GPR108: variants seen among roughly 807,000 people sequenced by gnomAD.
GPR108 encodes the protein protein GPR108.
GPR108 carries 60 observed loss-of-function variants against 74.3 expected under a neutral mutation model. The observed-to-expected ratio is 0.81, with a 90% CI of 0.66 to 1.00. The LOEUF (loss-of-function observed/expected upper bound fraction) is 1.00, where lower values mean the gene tolerates loss of function less well. Ranked by LOEUF, GPR108 falls within the 50% of genes least tolerant of loss-of-function variation. The pLI, the probability that GPR108 is intolerant of heterozygous loss-of-function variation, is 0.00. For missense variants in GPR108, 667 were observed against 703.3 expected, an observed-to-expected ratio of 0.95 and a Z score of 0.58; for synonymous variants, 311 against 292.4, an observed-to-expected ratio of 1.06 and a Z score of -0.65.
chr19:6,735,054 T>C (rs995704445), intron 4 of GPR108, among the ~76,000 whole-genome samples: 18 of 151,080 alleles, frequency 1.2e-4, no homozygotes, highest in African/African-American at 4.1e-4. Flanking sequence ...CTAATTCCTG[T>C]ACATTTTTTG....
Position 6,730,193 on chromosome 19 carries a change from G to A in GPR108, c.*119C>T, listed in dbSNP as rs1421126048. The A allele has an allele frequency of 1.1e-6, 1 of 941,700 alleles. No homozygotes were observed. Among genetic ancestry groups the A allele is most frequent in the Non-Finnish European group, 1.7e-6 (1 of 588,466 alleles). 58.3% of individuals were successfully genotyped at this position (941,700 alleles called of 1,614,324 possible). A position where few individuals can be genotyped will look rare whatever the true frequency, so the allele number is the denominator to read the frequency against. ...GGCTTGTCCGGGAACCGGGGTCCCG[G>A]GGAGCTGGGCGCCTGGTCCACATGG... On this transcript the variant is annotated 3_prime_UTR_variant, in exon 18 of 18. Coordinates refer to ENST00000264080, the MANE Select transcript of GPR108 (RefSeq NM_001080452.2).
At chr19:6,736,342 C>A (rs1048995775) in intron 2 of GPR108, among the ~76,000 whole-genome samples, 1 of 152,192 alleles carries the variant, frequency 6.6e-6, no homozygotes, top group Non-Finnish European at 1.5e-5. Flanking sequence ...GGCAATCCTC[C>A]CACCTTGGCC....
In GPR108 at chr19:6,735,639, G is replaced by C; in HGVS notation, c.357C>G (p.Ile119Met). The change falls in exon 4 of 18, where the codon ATC becomes ATG. Residue 119 changes from isoleucine (I) to methionine (M), a missense_variant. By Grantham distance (10) the Ile-to-Met change is conservative. Coordinates refer to ENST00000264080, the MANE Select transcript of GPR108 (RefSeq NM_001080452.2). ...CAACTCACTGCAGATCCTTGGTGTT[G>C]ATGAGGAACAGGACCAGGAAACTGC... is the stretch of plus-strand genomic sequence containing the variant. ...NSSSFLVLFL[I>M]NTKDLQVQVR... is the part of the protein sequence containing the mutation. 1 of 1,614,062 alleles carries C rather than the reference G, an allele frequency of 6.2e-7. No individual in the cohort carries two copies. The highest frequency in any genetic ancestry group is 8.5e-7 in the Non-Finnish European group (1 of 1,179,990).
rs759147103 is a variant in GPR108 at position 6,734,262 on chromosome 19, A to G, written c.420T>C (p.Phe140=). The change falls in exon 5 of 18, where the codon TTT becomes TTC. Residue 140 remains phenylalanine (F), a synonymous_variant. Coordinates refer to ENST00000264080, the MANE Select transcript of GPR108 (RefSeq NM_001080452.2). ...KYGEQKTLFI[F]PGLLPEAPSK... is the part of the protein sequence containing the mutation. ...AGGGTGCTTCCGGGAGGAGCCCGGG[A>G]AAGATAAACAACGTCTTCTGCTCTC... 2 of 1,614,070 alleles carry G rather than the reference A, an allele frequency of 1.2e-6. No homozygotes were observed. The highest frequency in any genetic ancestry group is 1.7e-6 in the Non-Finnish European group (2 of 1,180,020).
chr19:6,731,956 GGGTAC>G, intron 13 of GPR108, 22 bp from the exon 14 acceptor site: 1 of 1,613,284 alleles, frequency 6.2e-7, no homozygotes, highest in Non-Finnish European at 8.5e-7. Context: ...GGAGGACACA[GGGTAC>G]GGTCAGCGCG....
At chr19:6,735,732 C>G in intron 3 of GPR108, 28 bp from the exon 4 acceptor site, 1 of 1,600,390 alleles carries the variant, frequency 6.2e-7, no homozygotes. Flanking sequence ...GGGAGTGAGT[C>G]TTGGTTACTC....
rs1968642770 is a variant in GPR108, at chr19:6,736,585, C to G, written c.240+7G>C. ...TCTCCTCCAGCAAACTCCTCAAGGT[C>G]CCTCACCAGCAGGGACTTCTCTTCT... On this transcript the variant is annotated splice_region_variant and intron_variant, in intron 2 of 17. Transcript: ENST00000264080. 1 of 1,612,718 alleles carries G rather than the reference C, an allele frequency of 6.2e-7. No individual in the cohort carries two copies. Among genetic ancestry groups the G allele is most frequent in the Non-Finnish European group, 8.5e-7 (1 of 1,179,420 alleles).
At chr19:6,732,176 G>T in intron 12 of GPR108, 21 bp from the exon 13 acceptor site, 1 of 1,613,064 alleles carries the variant, frequency 6.2e-7, no homozygotes, top group Non-Finnish European at 8.5e-7. Flanking sequence ...GGCGGGGGTG[G>T]GTGGGCACTG....
At chr19:6,734,135 GGGCAGACCTGCCCA>G in intron 5 of GPR108, 34 bp downstream of exon 5, 1 of 1,614,198 alleles carries the variant, frequency 6.2e-7, no homozygotes, top group Non-Finnish European at 8.5e-7. Flanking sequence ...GGAGTGCAAA[GGGCAGACCTGCCCA>G]TCCACCCCCG....
At position 6,737,264 on chromosome 19, in the gene GPR108, G is replaced by A. The variant is rs373346651; in HGVS notation, c.120+193C>T. 33 of 681,160 alleles carry A rather than the reference G, an allele frequency of 4.8e-5. 1 individual carries two copies. The highest frequency in any genetic ancestry group is 2.0e-4 in the East Asian group (6 of 29,942). The allele number at this position is 681,160 out of a possible 1,614,324, so 42.2% of individuals were successfully genotyped here. A position where few individuals can be genotyped will look rare whatever the true frequency, so the allele number is the denominator to read the frequency against. ...GGGAGGGGGCCGACCCCAGCGAGGC[G>A]GACCCGGCAACTCCATCCGGAGGAC... On this transcript the variant is annotated intron_variant, in intron 1 of 17. Coordinates refer to ENST00000264080, the MANE Select transcript of GPR108 (RefSeq NM_001080452.2).
chr19:6,731,185 G>T lies in GPR108; in HGVS notation c.1434+14C>A. On this transcript the variant is annotated intron_variant, in intron 16 of 17. Transcript: ENST00000264080. ...CGTGGCCGCCCTCCCGTCCCACCTG[G>T]GCCTCGGGCTCACCTGGTACAGCCA... is the stretch of plus-strand genomic sequence containing the variant. 6.2e-7 allele frequency: 1 copy of T among 1,600,598 alleles called. No individual in the cohort carries two copies. Among genetic ancestry groups the T allele is most frequent in the Non-Finnish European group, 8.5e-7 (1 of 1,171,548 alleles).
chr19:6,733,989 C>G lies in GPR108; in HGVS notation c.549+16G>C. ...CTGGGGTGTGCATCTTCCCTCCTGC[C>G]CCGCCTCCCCGAAACCTGAATCACT... On this transcript the variant is annotated intron_variant, in intron 6 of 17. Transcript: ENST00000264080. 6.2e-7 allele frequency: 1 copy of G among 1,614,158 alleles called. No homozygotes were observed. The highest frequency in any genetic ancestry group is 1.1e-5 in the South Asian group (1 of 91,084).
chr19:6,731,449 G>T, intron 15 of GPR108, 24 bp downstream of exon 15: 2 of 1,526,630 alleles, frequency 1.3e-6, no homozygotes, highest in Middle Eastern at 1.8e-4. Flanking sequence ...CCCCAAACCC[G>T]CTGTGAGTGA....
Position 6,735,604 on chromosome 19 carries a change from C to A in GPR108, c.374+18G>T. 1.2e-6 allele frequency: 2 copies of A among 1,609,758 alleles called. No individual in the cohort carries two copies. The highest frequency in any genetic ancestry group is 2.2e-5 in the East Asian group (1 of 44,854). On this transcript the variant is annotated intron_variant, in intron 4 of 17. Coordinates refer to ENST00000264080, the MANE Select transcript of GPR108 (RefSeq NM_001080452.2). ...ACGCAGACGAAGGATCTGAGCGAGC[C>A]CCCGGTCCCCAACTCACTGCAGATC...
chr19:6,736,491 C>T (rs771095686), intron 2 of GPR108, 101 bp downstream of exon 2: 5 of 1,198,790 alleles, frequency 4.2e-6, no homozygotes, highest in South Asian at 2.7e-5. Flanking sequence ...AGAGAGATGA[C>T]GGGACTTGTA....
intron 1 of GPR108, 46 bp from the exon 2 acceptor site, chr19:6,736,757 C>G (rs377398403): frequency 1.9e-6 from 3 of 1,612,622 alleles, no homozygotes; most frequent in Admixed American, 3.3e-5. Flanking sequence ...CTCTTTCCGC[C>G]TGCCCAGCCC....
rs945023285 is a variant in GPR108 at position 6,734,872 on chromosome 19, T to C, written c.375-565A>G. 1.2e-4 allele frequency among the ~76,000 whole-genome samples: 18 copies of C among 144,214 alleles called. 1 individual carries two copies. The highest frequency in any genetic ancestry group is 2.9e-4 in the African/African-American group (11 of 37,418). The allele number at this position is 144,214 out of a possible 152,430, so 94.6% of individuals were successfully genotyped here. ...ACATTATTATTATTATTATTATTAT[T>C]ATTATTATTATTATTATTATTATTT... On this transcript the variant is annotated intron_variant, in intron 4 of 17. Coordinates refer to ENST00000264080, the MANE Select transcript of GPR108 (RefSeq NM_001080452.2).
At chr19:6,737,176 G>C (rs1968672319) in intron 1 of GPR108, 1 of 478,974 alleles carries the variant, frequency 2.1e-6, no homozygotes, top group African/African-American at 2.1e-5. Context: ...GAATTTAAAG[G>C]ACTAAGACCC....
At chr19:6,730,813 AGCTGCCCTG>A (rs1482875374) in intron 17 of GPR108, among the ~76,000 whole-genome samples, 165 bp downstream of exon 17, 1 of 143,880 alleles carries the variant, frequency 7.0e-6, no homozygotes, top group Non-Finnish European at 1.5e-5. Context: ...CCACCTGCAC[AGCTGCCCTG>A]GCTGCCCCCC....
Sources: gnomAD v4.1 joint callset for allele counts (sites outside exome capture counted in the v4.1 genomes callset) on GRCh38, gnomAD v4.1.1 for gene constraint, MANE v1.5 for transcripts, NCBI Gene and HGNC (gene_info 2026-07-23, HGNC 2026-07-21) for gene names.